STAMBPL1: variants seen among roughly 807,000 people sequenced by gnomAD.
The protein encoded by STAMBPL1 is STAM binding protein like 1, also known as AMSH-like protease.
In STAMBPL1, 44 loss-of-function variants were observed where a neutral mutation model predicts 52.9. The observed-to-expected ratio is 0.83, with a 90% CI of 0.65 to 1.07. The LOEUF (loss-of-function observed/expected upper bound fraction) is 1.07, where lower values mean the gene tolerates loss of function less well. Among genes scored for constraint, STAMBPL1 ranks in the 50% least tolerant of loss-of-function variants. The pLI is 0.00. For synonymous variants in STAMBPL1, 164 were observed against 177.3 expected (o/e 0.92, Z 0.60); for missense variants, 511 against 520.8 (o/e 0.98, Z 0.18).
intron 1 of STAMBPL1, among the ~76,000 whole-genome samples, chr10:88,891,935 A>G (rs1844694261): frequency 6.6e-6 from 1 of 152,216 alleles, no homozygotes; most frequent in Admixed American, 6.5e-5. Context: ...ATTGTATTGA[A>G]TGAAAAATAA....
At chr10:88,918,890 A>T (rs1016727036) in intron 8 of STAMBPL1, among the ~76,000 whole-genome samples, 7 of 152,200 alleles carry the variant, frequency 4.6e-5, no homozygotes, top group African/African-American at 1.7e-4. Context: ...GCATGCAATT[A>T]TGAAGGTAAG....
rs572513076 is a variant in STAMBPL1, at chr10:88,900,681, A to G, written c.-53-975A>G. Reference sequence around the variant, plus strand: ...AAGGCTATATAACTTCCCTGCAGTCACACAGCTAAACATATTTGTTTTCTA... The same window carrying G: ...AAGGCTATATAACTTCCCTGCAGTCGCACAGCTAAACATATTTGTTTTCTA... On this transcript the variant is annotated intron_variant, in intron 1 of 10. Coordinates refer to ENST00000371926, the MANE Select transcript of STAMBPL1 (RefSeq NM_020799.4). Among the ~76,000 whole-genome samples the G allele has an allele frequency of 2.6e-5, 4 of 152,354 alleles. No homozygotes were observed. The East Asian group carries it at 7.7e-4, about 29-fold the overall frequency.
chr10:88,883,183 A>G (rs988923575), intron 1 of STAMBPL1, among the ~76,000 whole-genome samples: 1 of 152,248 alleles, frequency 6.6e-6, no homozygotes, highest in Non-Finnish European at 1.5e-5. Context: ...TACAGAGGAC[A>G]TGAACTCATC....
intron 1 of STAMBPL1, among the ~76,000 whole-genome samples, chr10:88,883,457 T>C (rs1844455955): frequency 6.6e-6 from 1 of 152,224 alleles, no homozygotes; most frequent in Admixed American, 6.5e-5. Flanking sequence ...AACGTGTGAA[T>C]GTACATTCAG....
intron 1 of STAMBPL1, among the ~76,000 whole-genome samples, chr10:88,883,802 A>G (rs1473849879): frequency 6.6e-6 from 1 of 152,228 alleles, no homozygotes; most frequent in African/African-American, 2.4e-5. Flanking sequence ...AAACACCAGT[A>G]ATTCTTATGT....
At chr10:88,900,115 G>T (rs1161834228) in intron 1 of STAMBPL1, among the ~76,000 whole-genome samples, 2 of 152,150 alleles carry the variant, frequency 1.3e-5, no homozygotes, top group Non-Finnish European at 2.9e-5. Context: ...GGGATTACTG[G>T]AGACAATGGA....
chr10:88,892,353 C>CGT (rs5786841), intron 1 of STAMBPL1, among the ~76,000 whole-genome samples: 17,817 of 148,896 alleles, frequency 0.12, 1,076 homozygotes, highest in African/African-American at 0.14. Flanking sequence ...TGTGCGTGTG[C>CGT]GTGTGTGTGT....
intron 1 of STAMBPL1, 26 bp from the exon 2 acceptor site, chr10:88,901,630 A>G: frequency 6.7e-7 from 1 of 1,492,282 alleles, no homozygotes; most frequent in Admixed American, 2.0e-5. Context: ...AAATAACTTT[A>G]GTTCTGCTTC....
At chr10:88,897,987 T>C (rs1844853868) in intron 1 of STAMBPL1, among the ~76,000 whole-genome samples, 1 of 152,224 alleles carries the variant, frequency 6.6e-6, no homozygotes, top group African/African-American at 2.4e-5. Context: ...CAAGTGGTAC[T>C]TGCTGTTAAT....
chr10:88,901,220 A>G (rs1173440423), intron 1 of STAMBPL1: 1 of 152,400 alleles, frequency 6.6e-6, no homozygotes, highest in Non-Finnish European at 1.5e-5. Flanking sequence ...ATCAAGGGGC[A>G]GGAATCACAG....
At chr10:88,898,413 G>A (rs1204513015) in intron 1 of STAMBPL1, among the ~76,000 whole-genome samples, 7 of 152,164 alleles carry the variant, frequency 4.6e-5, no homozygotes, top group Non-Finnish European at 1.0e-4. Flanking sequence ...GAGAGCCACT[G>A]AACTAGAAAA....
chr10:88,880,627 C>G lies in STAMBPL1; in HGVS notation c.-65C>G, dbSNP rs939584159. 6.6e-6 allele frequency: 1 copy of G among 152,236 alleles called. No homozygotes were observed. The highest frequency in any genetic ancestry group is 1.5e-5 in the Non-Finnish European group (1 of 68,042). The allele number at this position is 152,236 out of a possible 1,614,324, so 9.4% of individuals were successfully genotyped here. On this transcript the variant is annotated 5_prime_UTR_variant, in exon 1 of 11. Transcript: ENST00000371926. The stretch of plus-strand genomic sequence containing the variant: ...GCCGTCCCACACGGGCTGCGGACAC[C>G]AAGGGTTGCTAGTGAGTAGCGGCGC...
chr10:88,896,488 C>A (rs955477986), intron 1 of STAMBPL1, among the ~76,000 whole-genome samples: 5 of 152,148 alleles, frequency 3.3e-5, no homozygotes, highest in Admixed American at 1.3e-4. Flanking sequence ...TGTCTACCTC[C>A]AACTGAGTAA....
At chr10:88,914,392 T>A in intron 6 of STAMBPL1, 142 bp from the exon 7 acceptor site, 1 of 494,182 alleles carries the variant, frequency 2.0e-6, no homozygotes, top group Non-Finnish European at 3.2e-6. Flanking sequence ...CTAAGAGTTT[T>A]AAAATAAAAT....
At chr10:88,915,663 C>T (rs77673229) in intron 7 of STAMBPL1, among the ~76,000 whole-genome samples, 2,285 of 152,274 alleles carry the variant, frequency 0.015, 68 homozygotes, top group African/African-American at 0.052. Context: ...GCAACAGCCA[C>T]GGTCCCTGCC....
chr10:88,882,766 C>G (rs929322691), intron 1 of STAMBPL1: 1 of 152,156 alleles, frequency 6.6e-6, no homozygotes, highest in Non-Finnish European at 1.5e-5. Flanking sequence ...ATGGTTATCC[C>G]TGAAGATATT....
intron 1 of STAMBPL1, among the ~76,000 whole-genome samples, chr10:88,900,689 A>G (rs1844923145): frequency 6.6e-6 from 1 of 152,244 alleles, no homozygotes; most frequent in Admixed American, 6.5e-5. Flanking sequence ...TCACACAGCT[A>G]AACATATTTG....
intron 1 of STAMBPL1, among the ~76,000 whole-genome samples, chr10:88,889,079 C>G (rs1424528871): frequency 6.6e-6 from 1 of 152,164 alleles, no homozygotes; most frequent in African/African-American, 2.4e-5. Flanking sequence ...ACTTAATGCT[C>G]TAACTTGGAT....
intron 1 of STAMBPL1, among the ~76,000 whole-genome samples, chr10:88,899,201 C>A (rs186770673): frequency 5.3e-5 from 8 of 152,236 alleles, no homozygotes; most frequent in African/African-American, 1.7e-4. Context: ...AAGAGTCAGA[C>A]CTTTGCCTGC....
Sources: allele counts gnomAD v4.1 joint callset (sites outside exome capture counted in the v4.1 genomes callset), GRCh38; gene constraint gnomAD v4.1.1; transcripts MANE v1.5; gene names NCBI Gene and HGNC (gene_info 2026-07-23, HGNC 2026-07-21).